The following PKIB variants were observed in gnomAD, a reference collection of about 807,000 sequenced individuals.
The protein encoded by PKIB is cAMP-dependent protein kinase inhibitor beta, also known as PKI-beta.
A neutral mutation model predicts 4.5 loss-of-function variants in PKIB; 2 were observed. The ratio of observed to expected loss-of-function variants is 0.44; its 90% CI spans 0.18 to 1.39. PKIB has a LOEUF of 1.39. PKIB is among the 40% of genes most tolerant of loss of function. The probability of loss-of-function intolerance (pLI) is 0.27; values close to 1 mark genes in which losing one functional copy is unlikely to be tolerated. For synonymous variants in PKIB, 38 were observed against 36.0 expected, an observed-to-expected ratio of 1.06 and a Z score of -0.20; for missense variants, 94 against 92.6, an observed-to-expected ratio of 1.02 and a Z score of -0.06.
At chr6:122,673,000 T>G (rs1777527326) in intron 2 of PKIB, among the ~76,000 whole-genome samples, 1 of 152,076 alleles carries the variant, frequency 6.6e-6, no homozygotes, top group Non-Finnish European at 1.5e-5. Flanking sequence ...ATCTGAATTT[T>G]TATGTACATT....
chr6:122,647,885 C>T (rs2316961), intron 2 of PKIB, among the ~76,000 whole-genome samples: 44,457 of 152,122 alleles, frequency 0.29, 7,148 homozygotes, highest in Middle Eastern at 0.36. Flanking sequence ...AGCCTGGCGG[C>T]GTGACCCAAA....
At chr6:122,543,771 C>T (rs527590226) in intron 2 of PKIB, among the ~76,000 whole-genome samples, 4 of 152,010 alleles carry the variant, frequency 2.6e-5, no homozygotes, top group East Asian at 1.9e-4. Context: ...AAAGTGCTGT[C>T]GATCTGCTGT....
At chr6:122,716,609 T>G (rs1039858444) in intron 3 of PKIB, among the ~76,000 whole-genome samples, 2 of 131,316 alleles carry the variant, frequency 1.5e-5, no homozygotes, top group African/African-American at 5.8e-5. Flanking sequence ...CAATTTGCAT[T>G]TCTTGCATTC....
chr6:122,701,355 T>G, intron 3 of PKIB: 1 of 1,112,892 alleles, frequency 9.0e-7, no homozygotes, highest in Admixed American at 2.2e-5. Context: ...CTAGACATGG[T>G]GATCAGAGAG....
At chr6:122,635,260 T>C (rs1484644672) in intron 2 of PKIB, among the ~76,000 whole-genome samples, 1 of 152,190 alleles carries the variant, frequency 6.6e-6, no homozygotes, top group Non-Finnish European at 1.5e-5. Context: ...GATACAAGCA[T>C]ACCTTGCCAA....
upstream of PKIB, among the ~76,000 whole-genome samples, chr6:122,607,857 A>G (rs1413463893): frequency 6.6e-6 from 1 of 152,106 alleles, no homozygotes; most frequent in African/African-American, 2.4e-5. Context: ...TCCTTGATCC[A>G]CTTACGTTTT....
At position 122,702,592 on chromosome 6, in the gene PKIB, T is replaced by C. The variant is rs9482267; in HGVS notation, c.-8-15195T>C. On this transcript the variant is annotated intron_variant, in intron 3 of 4. Transcript: ENST00000368452. ...ACCTTGGCCTCCCAAAGTGATGGGA[T>C]TACAGGCATGAGTCACTGCACCCAG... Among the ~76,000 whole-genome samples the C allele has an allele frequency of 5.6e-4, 85 of 152,150 alleles. 1 individual carries two copies. Among genetic ancestry groups the C allele is most frequent in the African/African-American group, 2.0e-3 (85 of 41,508 alleles).
At chr6:122,656,959 T>C (rs774940731) in intron 2 of PKIB, among the ~76,000 whole-genome samples, 9 of 152,232 alleles carry the variant, frequency 5.9e-5, no homozygotes, top group Non-Finnish European at 1.3e-4. Flanking sequence ...GAATTGTAAA[T>C]TGTAAATTAT....
chr6:122,688,844 G>T (rs1267784341), intron 3 of PKIB, among the ~76,000 whole-genome samples: 1 of 150,150 alleles, frequency 6.7e-6, no homozygotes, highest in Middle Eastern at 3.4e-3. Context: ...GCAGTGGCGC[G>T]ATCTCGGCTC....
chr6:122,725,957 A>G lies in PKIB; in HGVS notation c.*762A>G, dbSNP rs1779936752. On this transcript the variant is annotated 3_prime_UTR_variant, in exon 5 of 5. Transcript: ENST00000368452. ...AATTATACAAAATACTAGTTGTTTT[A>G]CACTCTCTTTTCTTATTCTTAGGGC... 1 of 152,128 alleles carries G rather than the reference A, an allele frequency of 6.6e-6. No homozygotes were observed. The highest frequency in any genetic ancestry group is 1.5e-5 in the Non-Finnish European group (1 of 68,000). The allele number at this position is 152,128 out of a possible 1,614,324, so 9.4% of individuals were successfully genotyped here.
At chr6:122,472,477 G>T (rs1379845327) in intron 1 of PKIB, among the ~76,000 whole-genome samples, 2 of 152,320 alleles carry the variant, frequency 1.3e-5, no homozygotes, top group African/African-American at 4.8e-5. Flanking sequence ...GTCATGAGCT[G>T]TTGAGGCATG....
chr6:122,488,724 G>C (rs149246843), intron 2 of PKIB, among the ~76,000 whole-genome samples: 2 of 152,224 alleles, frequency 1.3e-5, no homozygotes, highest in East Asian at 3.9e-4. Flanking sequence ...ATGATACTTA[G>C]AAACCAACAT....
At position 122,561,994 on chromosome 6, in the gene PKIB, G is replaced by GTTTTTTTTTTTTTTT; in HGVS notation, c.-247-23918_-247-23917insTTTTTTTTTTTTTTT. On this transcript the variant is annotated intron_variant, in intron 2 of 6. Transcript: ENST00000392491. ...GCATAGTTTTTTTTTGTTTGTTTTT[G>GTTTTTTTTTTTTTTT]TTTTTTTTTGTTTTTTTTTTTTTTT... 7.1e-4 allele frequency among the ~76,000 whole-genome samples: 29 copies of GTTTTTTTTTTTTTTT among 40,904 alleles called. 2 individuals carry two copies. The highest frequency in any genetic ancestry group is 1.7e-3 in the East Asian group (2 of 1,144). 26.8% of individuals were successfully genotyped at this position (40,904 alleles called of 152,430 possible).
At chr6:122,710,139 T>C (rs1049172484) in intron 3 of PKIB, among the ~76,000 whole-genome samples, 1 of 152,178 alleles carries the variant, frequency 6.6e-6, no homozygotes, top group Non-Finnish European at 1.5e-5. Flanking sequence ...AGCAGATATG[T>C]TCCAGTCTCT....
At chr6:122,521,325 CT>C (rs1046724943) in intron 2 of PKIB, among the ~76,000 whole-genome samples, 42 of 152,188 alleles carry the variant, frequency 2.8e-4, no homozygotes, top group African/African-American at 9.9e-4. Flanking sequence ...ATAAAATTCA[CT>C]TTTTGTCACA....
At chr6:122,570,106 T>C (rs748274076) in intron 2 of PKIB, among the ~76,000 whole-genome samples, 10 of 152,166 alleles carry the variant, frequency 6.6e-5, no homozygotes, top group Non-Finnish European at 1.0e-4. Flanking sequence ...AGGTCAGGCT[T>C]TCATGAGAGG....
At chr6:122,590,480 T>C (rs1189732692) in intron 3 of PKIB, among the ~76,000 whole-genome samples, 2 of 152,170 alleles carry the variant, frequency 1.3e-5, no homozygotes, top group African/African-American at 2.4e-5. Flanking sequence ...ATAAATGAAG[T>C]AATAAAAGAA....
chr6:122,476,141 C>A (rs1447169886), intron 1 of PKIB, among the ~76,000 whole-genome samples: 1 of 152,028 alleles, frequency 6.6e-6, no homozygotes, highest in Non-Finnish European at 1.5e-5. Flanking sequence ...CTTGGCCCCC[C>A]CACAGTAGTT....
chr6:122,652,208 CAT>C (rs1776580168), intron 2 of PKIB, among the ~76,000 whole-genome samples: 1 of 151,716 alleles, frequency 6.6e-6, no homozygotes, highest in South Asian at 2.1e-4. Context: ...ATTGCTCTGA[CAT>C]AACTTTAGGT....
Sources: gnomAD v4.1 joint callset for allele counts (sites outside exome capture counted in the v4.1 genomes callset) on GRCh38, gnomAD v4.1.1 for gene constraint, MANE v1.5 for transcripts, NCBI Gene and HGNC (gene_info 2026-07-23, HGNC 2026-07-21) for gene names.